Variants in TMEM50B observed in about 807,000 individuals in gnomAD.
The protein encoded by TMEM50B is HCV p7-trans-regulated protein 3.
Under a neutral mutation model 23.4 loss-of-function variants are expected in TMEM50B, and 14 were observed. The ratio of observed to expected loss-of-function variants is 0.60; its 90% confidence interval spans 0.39 to 0.93. The LOEUF is 0.93. Among genes scored for constraint, TMEM50B ranks in the 40% least tolerant of loss-of-function variants. TMEM50B has a pLI of 0.00. For synonymous variants in TMEM50B, 64 were observed against 62.3 expected, an observed-to-expected ratio of 1.03 and a Z score of -0.13; for missense variants, 159 against 193.0, an observed-to-expected ratio of 0.82 and a Z score of 1.04.
At chr21:33,470,006 G>A (rs755840397) in intron 1 of TMEM50B, among the ~76,000 whole-genome samples, 1 of 152,052 alleles carries the variant, frequency 6.6e-6, no homozygotes, top group Non-Finnish European at 1.5e-5. Flanking sequence ...AAAATCATGT[G>A]CCTAAATAAC....
intron 8 of TMEM50B, among the ~76,000 whole-genome samples, chr21:33,438,100 C>T (rs531312417): frequency 3.4e-4 from 51 of 151,582 alleles, no homozygotes; most frequent in African/African-American, 1.2e-3. Context: ...GCCTGGGCAA[C>T]ATAGTGAGAC....
In TMEM50B at chr21:33,470,575, C is replaced by CA. The variant is rs879497786; in HGVS notation, c.-41-1650dup. ...TGAAACCCCGTCTGTACTAAAAATA[C>CA]AAAAAAAAAAAATTAGCTGGGCATG... On this transcript the variant is annotated intron_variant, in intron 1 of 6. Coordinates refer to ENST00000542230, the MANE Select transcript of TMEM50B (RefSeq NM_006134.7). 6.6e-3 allele frequency among the ~76,000 whole-genome samples: 921 copies of CA among 139,556 alleles called. 10 individuals are homozygous for CA. The highest frequency in any genetic ancestry group is 0.021 in the African/African-American group (803 of 38,246). 91.6% of individuals were successfully genotyped at this position (139,556 alleles called of 152,430 possible).
At chr21:33,477,074 G>A (rs1283903377) in intron 1 of TMEM50B, among the ~76,000 whole-genome samples, 1 of 152,094 alleles carries the variant, frequency 6.6e-6, no homozygotes, top group East Asian at 1.9e-4. Flanking sequence ...GCTGAGGCAG[G>A]TGGATGGCTT....
In TMEM50B at chr21:33,467,097, A is replaced by G; in HGVS notation, c.125T>C (p.Ile42Thr). The G allele has an allele frequency of 7.4e-6, 12 of 1,614,206 alleles. No individual in the cohort carries two copies. The highest frequency in any genetic ancestry group is 1.1e-5 in the South Asian group (1 of 91,090). ...ILFFTGWWIM[I>T]DAAVVYPKPE... Reference sequence around the variant, plus strand: ...CTTAGGATACACCACAGCTGCATCAATCATTATCCACCAGCCTGTAAAAAA... The same window carrying G: ...CTTAGGATACACCACAGCTGCATCAGTCATTATCCACCAGCCTGTAAAAAA... The change falls in exon 3 of 7, where the codon ATT becomes ACT. Residue 42 changes from isoleucine to threonine, a missense_variant. Physicochemically the swap from Ile to Thr is moderately conservative, Grantham distance 89. Transcript: ENST00000542230.
chr21:33,432,846 C>T, intron 8 of TMEM50B: 1 of 1,612,908 alleles, frequency 6.2e-7, no homozygotes, highest in African/African-American at 1.3e-5. Context: ...CACACTCCAC[C>T]AAGCATCCCA....
chr21:33,446,874 T>TG (rs35568881), downstream of TMEM50B: 152,105 of 152,112 alleles, frequency 1, 76,049 homozygotes, highest in Middle Eastern at 1. Flanking sequence ...CGGGGCGCAG[T>TG]GCTCACGCCT....
chr21:33,470,872 AGAGT>A (rs901976021), intron 1 of TMEM50B, among the ~76,000 whole-genome samples: 2 of 152,192 alleles, frequency 1.3e-5, no homozygotes, highest in Non-Finnish European at 2.9e-5. Context: ...CCTGGGCAAC[AGAGT>A]GAGACTCCCT....
At chr21:33,478,987 C>T (rs1308958339) in intron 1 of TMEM50B, 1 of 348,608 alleles carries the variant, frequency 2.9e-6, no homozygotes, top group Non-Finnish European at 5.7e-6. Flanking sequence ...TCCCTCCCAC[C>T]CCGTCCCGTC....
chr21:33,465,168 CAATAACTTACTTTCTTA>C, intron 4 of TMEM50B, 157 bp downstream of exon 4: 1 of 502,766 alleles, frequency 2.0e-6, no homozygotes, highest in East Asian at 3.1e-5. Flanking sequence ...TAACTTCTAG[CAATAACTTACTTTCTTA>C]AGGATTTGAA....
At chr21:33,475,900 GC>G (rs1316605624) in intron 1 of TMEM50B, among the ~76,000 whole-genome samples, 2 of 152,032 alleles carry the variant, frequency 1.3e-5, no homozygotes, top group African/African-American at 4.8e-5. Context: ...GTTGCAGTGA[GC>G]CAAGATCTCA....
intron 8 of TMEM50B, chr21:33,439,105 A>C (rs1293395153): frequency 1.3e-5 from 2 of 152,172 alleles, no homozygotes; most frequent in African/African-American, 2.4e-5. Context: ...GCCCACTCCC[A>C]CCCCATGCAC....
intron 1 of TMEM50B, among the ~76,000 whole-genome samples, chr21:33,472,140 T>C (rs2084323383): frequency 1.3e-5 from 2 of 151,374 alleles, no homozygotes; most frequent in African/African-American, 4.9e-5. Context: ...TCCCAGCACT[T>C]TGGGAGGCCA....
intron 1 of TMEM50B, among the ~76,000 whole-genome samples, chr21:33,477,024 G>A (rs2084379986): frequency 6.6e-6 from 1 of 152,068 alleles, no homozygotes; most frequent in Non-Finnish European, 1.5e-5. Context: ...AAGTTGGCTG[G>A]GCAGGATGGC....
rs1446157666 is a variant in TMEM50B at position 33,460,424 on chromosome 21, T to G, written c.362A>C (p.Tyr121Ser). The change falls in exon 5 of 7, where the codon TAT becomes TCT. Residue 121 changes from tyrosine (Y) to serine (S), a missense_variant. Tyr to Ser is a moderately radical substitution (Grantham distance 144). Transcript: ENST00000542230. Reference sequence around the variant, plus strand: ...GAATATATACTTACTTTGGGTAACATATGCACCAAAAAGAATCCACATGGA... The same window carrying G: ...GAATATATACTTACTTTGGGTAACAGATGCACCAAAAAGAATCCACATGGA... Reference protein sequence around the residue: ...IASMWILFGAYVTQNTDVYPG... With the variant: ...IASMWILFGASVTQNTDVYPG... The G allele has an allele frequency of 3.1e-6, 5 of 1,601,176 alleles. No individual in the cohort carries two copies. Among genetic ancestry groups the G allele is most frequent in the African/African-American group, 2.7e-5 (2 of 74,418 alleles).
At chr21:33,446,894 A>G (rs9976356), downstream of TMEM50B, 88,792 of 151,812 alleles carry the variant, frequency 0.58, 28,008 homozygotes, top group East Asian at 0.83. Flanking sequence ...TGTAATCCCA[A>G]CACTTTGGGA....
downstream of TMEM50B, among the ~76,000 whole-genome samples, chr21:33,444,913 T>C (rs1413186269): frequency 6.6e-6 from 1 of 151,664 alleles, no homozygotes; most frequent in Non-Finnish European, 1.5e-5. Flanking sequence ...GGCAGATCCT[T>C]TGAGCCCAGG....
At chr21:33,440,523 G>A (rs2083998835) in intron 7 of TMEM50B, among the ~76,000 whole-genome samples, 1 of 151,856 alleles carries the variant, frequency 6.6e-6, no homozygotes, top group African/African-American at 2.4e-5. Flanking sequence ...GGGATGCAGA[G>A]GTTGCAGTGA....
At chr21:33,447,508 C>G (rs1311636429), downstream of TMEM50B, among the ~76,000 whole-genome samples, 1 of 152,066 alleles carries the variant, frequency 6.6e-6, no homozygotes, top group East Asian at 1.9e-4. Context: ...ACTGAAAACC[C>G]TTCCACTGGG....
intron 8 of TMEM50B, among the ~76,000 whole-genome samples, chr21:33,434,059 T>C (rs2083918610): frequency 1.3e-5 from 2 of 152,094 alleles, no homozygotes; most frequent in Non-Finnish European, 1.5e-5. Flanking sequence ...CCAGTGGGTA[T>C]TGCTAATATT....
Sources: gnomAD v4.1 joint callset for allele counts (sites outside exome capture counted in the v4.1 genomes callset) on GRCh38, gnomAD v4.1.1 for gene constraint, MANE v1.5 for transcripts, NCBI Gene and HGNC (gene_info 2026-07-23, HGNC 2026-07-21) for gene names.